TBC1D19: variants seen among roughly 807,000 people sequenced by gnomAD.
The protein encoded by TBC1D19 is TBC1 domain family, member 19.
A neutral mutation model predicts 89.0 loss-of-function variants in TBC1D19; 60 were observed. The observed-to-expected ratio is 0.67, with a 90% confidence interval of 0.55 to 0.84. TBC1D19 has a LOEUF of 0.84. TBC1D19 is among the 40% of genes least tolerant of loss of function. The pLI is 0.00. For synonymous variants in TBC1D19, 189 were observed against 199.7 expected (o/e 0.95, Z 0.45); for missense variants, 500 against 610.8 (o/e 0.82, Z 1.91).
At chr4:26,650,824 T>C (rs1261590131) in intron 7 of TBC1D19, among the ~76,000 whole-genome samples, 2 of 152,244 alleles carry the variant, frequency 1.3e-5, no homozygotes, top group Non-Finnish European at 2.9e-5. Flanking sequence ...CTAGGTTTTC[T>C]TCTAGGGTTT....
intron 13 of TBC1D19, among the ~76,000 whole-genome samples, chr4:26,694,219 G>T (rs1029404479): frequency 2.6e-5 from 4 of 152,142 alleles, no homozygotes; most frequent in African/African-American, 9.7e-5. Flanking sequence ...CTTTTCCAAA[G>T]GTCTTAGCAA....
At chr4:26,694,036 G>A (rs553283675) in intron 13 of TBC1D19, among the ~76,000 whole-genome samples, 6 of 152,224 alleles carry the variant, frequency 3.9e-5, no homozygotes, top group South Asian at 2.1e-4. Context: ...ACTGGGGCTC[G>A]TCGAACAGTG....
chr4:26,813,220 C>T, the TBC1D19 span, among the ~76,000 whole-genome samples: 1 of 152,062 alleles, frequency 6.6e-6, no homozygotes, highest in African/African-American at 2.4e-5. Flanking sequence ...AACTGCACTC[C>T]AGCCTGGGTG....
intron 1 of TBC1D19, among the ~76,000 whole-genome samples, chr4:26,609,053 G>C (rs1401061687): frequency 8.7e-6 from 1 of 115,416 alleles, no homozygotes; most frequent in African/African-American, 3.3e-5. Flanking sequence ...GACTGTTGTG[G>C]GGTGGGGGGA....
the TBC1D19 span, among the ~76,000 whole-genome samples, chr4:26,841,330 G>A: frequency 1.3e-5 from 2 of 150,558 alleles, no homozygotes; most frequent in Non-Finnish European, 2.9e-5. Context: ...AGGTTGCAGT[G>A]AGCTGAGATC....
chr4:26,588,927 C>T (rs1222814247), intron 1 of TBC1D19, among the ~76,000 whole-genome samples: 1 of 151,874 alleles, frequency 6.6e-6, no homozygotes, highest in African/African-American at 2.4e-5. Context: ...AGTGTAGGGG[C>T]TTCAGTCAAT....
chr4:26,598,624 T>G (rs1429361000), intron 1 of TBC1D19, among the ~76,000 whole-genome samples: 1 of 152,086 alleles, frequency 6.6e-6, no homozygotes, highest in East Asian at 1.9e-4. Flanking sequence ...TCTACCTCCT[T>G]ACCTCGTGAT....
intron 11 of TBC1D19, among the ~76,000 whole-genome samples, chr4:26,678,871 T>A (rs1713084023): frequency 6.6e-6 from 1 of 152,198 alleles, no homozygotes; most frequent in Admixed American, 6.5e-5. Flanking sequence ...AGTCCCTAGC[T>A]TGACTTTTCC....
intron 13 of TBC1D19, among the ~76,000 whole-genome samples, chr4:26,716,377 T>C (rs1577977629): frequency 6.6e-6 from 1 of 151,980 alleles, no homozygotes; most frequent in Admixed American, 6.6e-5. Context: ...AGGAGTCAGG[T>C]AGAAGTAAAT....
At chr4:26,671,849 A>G (rs1433302182) in intron 9 of TBC1D19, among the ~76,000 whole-genome samples, 1 of 151,858 alleles carries the variant, frequency 6.6e-6, no homozygotes, top group African/African-American at 2.4e-5. Flanking sequence ...GTTTGATTAA[A>G]TGCTCATAAC....
chr4:26,812,193 G>T, the TBC1D19 span, among the ~76,000 whole-genome samples: 6 of 152,176 alleles, frequency 3.9e-5, no homozygotes, highest in South Asian at 2.1e-4. The surrounding 1 kb of genome is among the most constrained non-coding windows in gnomAD (Gnocchi z 4.2). Flanking sequence ...AGATGTGAAT[G>T]GGGGTGCTTC....
At chr4:26,703,268 T>C (rs1297558316) in intron 13 of TBC1D19, among the ~76,000 whole-genome samples, 2 of 152,246 alleles carry the variant, frequency 1.3e-5, no homozygotes, top group African/African-American at 4.8e-5. Flanking sequence ...CATTTTACAA[T>C]TAGTCTGAAT....
intron 4 of TBC1D19, among the ~76,000 whole-genome samples, chr4:26,633,009 A>G (rs1342544205): frequency 2.0e-5 from 3 of 151,850 alleles, no homozygotes; most frequent in Admixed American, 2.0e-4. Context: ...TTCACTCCCA[A>G]CCTTTTTTGG....
chr4:26,832,718 A>G, the TBC1D19 span, among the ~76,000 whole-genome samples: 1 of 152,090 alleles, frequency 6.6e-6, no homozygotes, highest in African/African-American at 2.4e-5. Context: ...TCTGGATGAA[A>G]ACATACCCCC....
chr4:26,760,732 T>C (rs1390320123), downstream of TBC1D19, among the ~76,000 whole-genome samples: 1 of 152,210 alleles, frequency 6.6e-6, no homozygotes, highest in Non-Finnish European at 1.5e-5. Flanking sequence ...TTTGTTGAGA[T>C]CCAATTTATC....
chr4:26,827,712 G>GTTTTTTTT, the TBC1D19 span, among the ~76,000 whole-genome samples: 1 of 114,516 alleles, frequency 8.7e-6, no homozygotes, highest in Non-Finnish European at 1.9e-5. Context: ...TTTGTTTTTT[G>GTTTTTTTT]TTTTGTTTTT....
the TBC1D19 span, among the ~76,000 whole-genome samples, chr4:26,842,615 T>TCTTTCTTA: frequency 6.9e-6 from 1 of 144,908 alleles, no homozygotes; most frequent in African/African-American, 2.6e-5. Context: ...TTTCTTTCTT[T>TCTTTCTTA]CTTTCTTTCT....
chr4:26,586,227 G>A (rs1020341163), intron 1 of TBC1D19, among the ~76,000 whole-genome samples: 12 of 127,284 alleles, frequency 9.4e-5, no homozygotes, highest in Non-Finnish European at 1.4e-4. Context: ...CTGATTTGCT[G>A]AAAAACCTAT....
chr4:26,764,662 AAG>A, the TBC1D19 span, among the ~76,000 whole-genome samples: 2 of 152,206 alleles, frequency 1.3e-5, no homozygotes, highest in African/African-American at 4.8e-5. Context: ...CAACAGAACA[AAG>A]AAGTTGAGGT....
Sources: gnomAD v4.1 joint callset for allele counts (sites outside exome capture counted in the v4.1 genomes callset) on GRCh38, gnomAD v4.1.1 for gene constraint, Gnocchi (gnomAD v3.1) non-coding constraint, MANE v1.5 for transcripts, NCBI Gene and HGNC (gene_info 2026-07-23, HGNC 2026-07-21) for gene names.